The following RRM2 variants were observed in gnomAD, a reference collection of about 807,000 sequenced individuals.
The protein encoded by RRM2 is ribonucleotide reductase regulatory subunit M2, also known as ribonucleoside-diphosphate reductase subunit M2.
Under a neutral mutation model 45.9 loss-of-function variants are expected in RRM2, and 6 were observed. The ratio of observed to expected loss-of-function variants is 0.13; its 90% CI spans 0.07 to 0.26. The LOEUF is 0.26. Ranked by LOEUF, RRM2 falls within the 10% of genes least tolerant of loss-of-function variation. The pLI is 1.00. For synonymous variants in RRM2, 177 were observed against 173.0 expected, an observed-to-expected ratio of 1.02 and a Z score of -0.18; for missense variants, 343 against 489.5, an observed-to-expected ratio of 0.70 and a Z score of 2.82.
chr2:10,167,720 C>T (rs1000191125), intron 3 of RRM2, among the ~76,000 whole-genome samples: 1 of 152,180 alleles, frequency 6.6e-6, no homozygotes, highest in Non-Finnish European at 1.5e-5. Context: ...TGTACTGGAC[C>T]ATGGGTTCCC....
intron 3 of RRM2, among the ~76,000 whole-genome samples, chr2:10,167,124 C>T (rs534431457): frequency 2.0e-5 from 3 of 152,200 alleles, no homozygotes; most frequent in South Asian, 2.1e-4. Flanking sequence ...TCTCGAGACA[C>T]GCCTCGACTG....
chr2:10,210,235 T>G, intron 3 of RRM2: 2 of 999,062 alleles, frequency 2.0e-6, no homozygotes, highest in Non-Finnish European at 2.8e-6. Context: ...GTGCCCAGTA[T>G]GTGTTTGGTG....
chr2:10,136,359 G>A (rs1558384024), downstream of RRM2, among the ~76,000 whole-genome samples: 1 of 152,132 alleles, frequency 6.6e-6, no homozygotes, highest in Non-Finnish European at 1.5e-5. Context: ...GGTGTGGGTG[G>A]GCCTCCACTG....
chr2:10,127,240 T>C lies in RRM2; in HGVS notation c.798+20T>C, dbSNP rs1389447131. The C allele has an allele frequency of 1.9e-6, 3 of 1,606,594 alleles. No homozygotes were observed. Among genetic ancestry groups the C allele is most frequent in the South Asian group, 2.2e-5 (2 of 91,002 alleles). On this transcript the variant is annotated intron_variant, in intron 7 of 9. Coordinates refer to ENST00000304567, the MANE Select transcript of RRM2 (RefSeq NM_001034.4). This position sits in a 1 kb window ranked among gnomAD's most constrained non-coding sequence, Gnocchi z 4.1. ...GATGAGGTGAGTCTAAGTCAAATAA[T>C]AGGGTGACCTAAACCCCAAACACAA...
chr2:10,176,127 A>G (rs1663909447), intron 3 of RRM2, among the ~76,000 whole-genome samples: 1 of 152,226 alleles, frequency 6.6e-6, no homozygotes, highest in Non-Finnish European at 1.5e-5. Flanking sequence ...GACACTGGGT[A>G]GCATCTGCCC....
downstream of RRM2, among the ~76,000 whole-genome samples, chr2:10,135,373 A>G (rs1662970451): frequency 2.6e-5 from 4 of 152,224 alleles, no homozygotes; most frequent in Non-Finnish European, 5.9e-5. Context: ...AAGAATACCA[A>G]GGTCTTTATA....
intron 3 of RRM2, among the ~76,000 whole-genome samples, chr2:10,154,396 G>A (rs1366617574): frequency 8.1e-6 from 1 of 123,292 alleles, no homozygotes; most frequent in Non-Finnish European, 1.6e-5. Flanking sequence ...AGAATTGCTT[G>A]AACCTGGTGG....
Position 10,209,594 on chromosome 2 carries a change from C to T in RRM2, n.483-717C>T, listed in dbSNP as rs532734674. Among the ~76,000 whole-genome samples, 63 of 134,002 alleles carry T rather than the reference C, an allele frequency of 4.7e-4. 3 individuals are homozygous for T. In the Middle Eastern group the frequency reaches 0.011, roughly 23 times the overall value. 87.9% of individuals were successfully genotyped at this position (134,002 alleles called of 152,430 possible). The stretch of plus-strand genomic sequence containing the variant: ...GCTTGCATGTGTGTGTGTGTGTGCG[C>T]GCGCGTGTGTGTGCGTGCATGCGTG... On this transcript the variant is annotated intron_variant and non_coding_transcript_variant, in intron 3 of 3. Coordinates refer to the RRM2 transcript ENST00000381786.
intron 3 of RRM2, among the ~76,000 whole-genome samples, chr2:10,199,798 A>C (rs1558406222): frequency 1.3e-5 from 2 of 150,416 alleles, no homozygotes; most frequent in Non-Finnish European, 3.0e-5. Context: ...AAAAAAAAAA[A>C]AAAAAAAAAA....
Position 10,171,114 on chromosome 2 carries a change from A to G in RRM2, n.482+28739A>G, listed in dbSNP as rs1376167439. Among the ~76,000 whole-genome samples the G allele has an allele frequency of 1.3e-5, 2 of 152,190 alleles. No homozygotes were observed. Among genetic ancestry groups the G allele is most frequent in the Non-Finnish European group, 2.9e-5 (2 of 68,038 alleles). On this transcript the variant is annotated intron_variant and non_coding_transcript_variant, in intron 3 of 3. Coordinates refer to the RRM2 transcript ENST00000381786. The surrounding 1 kb of genome is among the most constrained non-coding windows in gnomAD (Gnocchi z 4.1). ...CATTATAGGCTGCGCCACTCATTAT[A>G]GGCTGCGGGGCCTGCACAGACCCCA...
intron 3 of RRM2, among the ~76,000 whole-genome samples, chr2:10,194,305 G>A (rs970396488): frequency 2.0e-5 from 3 of 152,162 alleles, no homozygotes; most frequent in Admixed American, 6.5e-5. Context: ...GTGGTGTGAC[G>A]CTAGCAGGCC....
chr2:10,210,709 GC>G, exon 4 of RRM2: 2 of 991,172 alleles, frequency 2.0e-6, no homozygotes, highest in Non-Finnish European at 2.8e-6. Flanking sequence ...GGTGATGTGA[GC>G]CCACAGGGTG....
At chr2:10,193,429 CG>C (rs1241567221) in intron 3 of RRM2, among the ~76,000 whole-genome samples, 1 of 152,222 alleles carries the variant, frequency 6.6e-6, no homozygotes, top group Non-Finnish European at 1.5e-5. Context: ...CAGCTTTCCA[CG>C]GGGCTGGGTG....
Position 10,204,946 on chromosome 2 carries a change from C to T in RRM2, n.483-5365C>T, listed in dbSNP as rs1664635835. On this transcript the variant is annotated intron_variant and non_coding_transcript_variant, in intron 3 of 3. Coordinates refer to the RRM2 transcript ENST00000381786. The surrounding 1 kb of genome is among the most constrained non-coding windows in gnomAD (Gnocchi z 4.0). ...TCCTACAGGAAGCATAGGCATGGTC[C>T]CTGGTGGTCCCCAGGAGCACGGCTC... is the stretch of plus-strand genomic sequence containing the variant. 1.3e-5 allele frequency among the ~76,000 whole-genome samples: 2 copies of T among 152,198 alleles called. No homozygotes were observed.
chr2:10,186,989 G>C (rs1006159810), intron 3 of RRM2, among the ~76,000 whole-genome samples: 2 of 152,242 alleles, frequency 1.3e-5, no homozygotes, highest in African/African-American at 2.4e-5. Context: ...TCCCCCGAAG[G>C]GGGGCTCAGA....
intron 3 of RRM2, among the ~76,000 whole-genome samples, chr2:10,166,831 G>A (rs890097042): frequency 5.9e-5 from 9 of 152,246 alleles, no homozygotes; most frequent in Admixed American, 6.5e-5. Context: ...AAGCATGAGC[G>A]TGTCTAGATG....
In RRM2 at chr2:10,151,799, C is replaced by T. The variant is rs142349015; in HGVS notation, n.482+9424C>T. Among the ~76,000 whole-genome samples the T allele has an allele frequency of 4.1e-3, 627 of 152,314 alleles. 4 individuals carry two copies. Among genetic ancestry groups the T allele is most frequent in the African/African-American group, 0.014 (592 of 41,576 alleles). Reference sequence around the variant, plus strand: ...GGCCAATCTTTTACATTTTAGCCCTCCGAGTGGGTGTCTAGTGTATATCCT... The same window carrying T: ...GGCCAATCTTTTACATTTTAGCCCTTCGAGTGGGTGTCTAGTGTATATCCT... On this transcript the variant is annotated intron_variant and non_coding_transcript_variant, in intron 3 of 3. Coordinates refer to the RRM2 transcript ENST00000381786.
chr2:10,158,144 C>G (rs539483150), intron 3 of RRM2, among the ~76,000 whole-genome samples: 1 of 151,948 alleles, frequency 6.6e-6, no homozygotes, highest in Admixed American at 6.6e-5. Flanking sequence ...CTTGATTTTA[C>G]GGATGAAAAA....
At chr2:10,150,224 G>A (rs1156564947) in intron 3 of RRM2, among the ~76,000 whole-genome samples, 1 of 152,058 alleles carries the variant, frequency 6.6e-6, no homozygotes, top group Non-Finnish European at 1.5e-5. Context: ...GAGGCGGGTG[G>A]ATCACGAGGT....
Sources: gnomAD v4.1 joint callset for allele counts (sites outside exome capture counted in the v4.1 genomes callset) on GRCh38, gnomAD v4.1.1 for gene constraint, Gnocchi (gnomAD v3.1) non-coding constraint, MANE v1.5 for transcripts, NCBI Gene and HGNC (gene_info 2026-07-23, HGNC 2026-07-21) for gene names.